Variants in HERPUD2 observed in about 807,000 individuals in gnomAD.
HERPUD2 encodes HERPUD family member 2.
Under a neutral mutation model 49.9 loss-of-function variants are expected in HERPUD2, and 13 were observed. The ratio of observed to expected loss-of-function variants is 0.26; its 90% CI spans 0.17 to 0.41. HERPUD2 has a LOEUF of 0.41. Ranked by LOEUF, HERPUD2 falls within the 10% of genes least tolerant of loss-of-function variation. The pLI, the probability that HERPUD2 is intolerant of heterozygous loss-of-function variation, is 1.00. For missense variants in HERPUD2, 449 were observed against 492.2 expected (o/e 0.91, Z 0.83); for synonymous variants, 172 against 171.4 (o/e 1.00, Z -0.03).
At chr7:35,662,069 G>A (rs979566241) in intron 5 of HERPUD2, among the ~76,000 whole-genome samples, 1 of 152,186 alleles carries the variant, frequency 6.6e-6, no homozygotes, top group Admixed American at 6.5e-5. Flanking sequence ...AATTTATTGA[G>A]AGTTTTTAGC....
chr7:35,637,783 T>TG (rs1438378908), intron 6 of HERPUD2, among the ~76,000 whole-genome samples: 2 of 151,680 alleles, frequency 1.3e-5, no homozygotes, highest in Non-Finnish European at 2.9e-5. Context: ...ACAGAAAGAG[T>TG]GACCAGAAAG....
In HERPUD2 at chr7:35,637,160, A is replaced by AAGAAAGAAAGAAAGAT. The variant is rs1554311472; in HGVS notation, c.617+1189_617+1190insATCTTTCTTTCTTTCT. 2.3e-3 allele frequency among the ~76,000 whole-genome samples: 329 copies of AAGAAAGAAAGAAAGAT among 144,166 alleles called. 2 individuals are homozygous for AAGAAAGAAAGAAAGAT. Among genetic ancestry groups the AAGAAAGAAAGAAAGAT allele is most frequent in the Non-Finnish European group, 3.4e-3 (229 of 66,610 alleles). 94.6% of individuals were successfully genotyped at this position (144,166 alleles called of 152,430 possible). A position where few individuals can be genotyped will look rare whatever the true frequency, so the allele number is the denominator to read the frequency against. On this transcript the variant is annotated intron_variant, in intron 6 of 8. Coordinates refer to ENST00000311350, the MANE Select transcript of HERPUD2 (RefSeq NM_022373.5). The stretch of plus-strand genomic sequence containing the variant: ...AAAAAAAGAAAGAAAGAAAGAAAGA[A>AAGAAAGAAAGAAAGAT]AGATAGATAGATAGATAGATAGATA...
chr7:35,674,523 C>T (rs1386234536), intron 2 of HERPUD2, among the ~76,000 whole-genome samples: 2 of 149,382 alleles, frequency 1.3e-5, no homozygotes, highest in Non-Finnish European at 3.0e-5. Flanking sequence ...TGTTTCCTGC[C>T]GAACAGCTCC....
At chr7:35,650,021 T>C (rs949068933) in intron 5 of HERPUD2, among the ~76,000 whole-genome samples, 1 of 152,168 alleles carries the variant, frequency 6.6e-6, no homozygotes, top group Non-Finnish European at 1.5e-5. Context: ...TTGGTTTATA[T>C]GGTTATTTCT....
Position 35,634,399 on chromosome 7 carries a change from T to C in HERPUD2, c.972A>G (p.Gln324=), listed in dbSNP as rs1183177281. The change falls in exon 8 of 9, where the codon CAA becomes CAG. Residue 324 remains glutamine, a synonymous_variant. Coordinates refer to ENST00000311350, the MANE Select transcript of HERPUD2 (RefSeq NM_022373.5). The part of the protein sequence containing the change: ...LHQAGWFPFR[Q]EGGHQQAPNN... ...TGGGAGCCTGCTGATGACCTCCTTC[T>C]TGCCTAAAAGGAAACCATCCAGCTT... 1 of 1,613,736 alleles carries C rather than the reference T, an allele frequency of 6.2e-7. No individual in the cohort carries two copies. Among genetic ancestry groups the C allele is most frequent in the South Asian group, 1.1e-5 (1 of 91,070 alleles).
At chr7:35,641,607 CTGG>C (rs1329476437) in intron 5 of HERPUD2, among the ~76,000 whole-genome samples, 4 of 152,180 alleles carry the variant, frequency 2.6e-5, no homozygotes, top group Non-Finnish European at 5.9e-5. Flanking sequence ...CAGCACAGTA[CTGG>C]TACAAAAACA....
At chr7:35,680,392 A>G (rs1785854995) in intron 2 of HERPUD2, among the ~76,000 whole-genome samples, 2 of 152,180 alleles carry the variant, frequency 1.3e-5, no homozygotes, top group South Asian at 4.1e-4. Context: ...CCTGGGTGAC[A>G]GAGGAAGACC....
intron 5 of HERPUD2, among the ~76,000 whole-genome samples, chr7:35,663,622 C>A (rs937726708): frequency 2.0e-5 from 3 of 152,126 alleles, no homozygotes; most frequent in Non-Finnish European, 2.9e-5. Flanking sequence ...ATAGTTAGCT[C>A]CTCTTGTTGA....
intron 2 of HERPUD2, among the ~76,000 whole-genome samples, chr7:35,673,995 C>A (rs1450129686): frequency 6.6e-6 from 1 of 151,992 alleles, no homozygotes; most frequent in Non-Finnish European, 1.5e-5. Context: ...CCACATAAGG[C>A]CTACTTCATA....
chr7:35,641,842 A>G (rs1012257961), intron 5 of HERPUD2, among the ~76,000 whole-genome samples: 8 of 152,202 alleles, frequency 5.3e-5, no homozygotes, highest in Admixed American at 5.2e-4. Context: ...TTACATGTAA[A>G]ACTCAAAACT....
intron 4 of HERPUD2, among the ~76,000 whole-genome samples, chr7:35,669,884 G>A (rs1222072558): frequency 3.3e-5 from 5 of 152,082 alleles, no homozygotes; most frequent in Admixed American, 6.6e-5. Context: ...TTTCTGAAAC[G>A]TCATTGGCCT....
intron 2 of HERPUD2, 70 bp from the exon 3 acceptor site, chr7:35,673,348 C>A: frequency 1.8e-6 from 2 of 1,120,972 alleles, no homozygotes; most frequent in East Asian, 2.4e-5. Flanking sequence ...GAATAACATG[C>A]CTAATTATGG....
rs2115987645 is a variant in HERPUD2 at position 35,675,003 on chromosome 7, G to C, written c.148-1725C>G. ...CACTAACAAATTAATTGAACCCCAG[G>C]AGGGGGTCACGGGAACCCCAATTTA... is the stretch of plus-strand genomic sequence containing the variant. On this transcript the variant is annotated intron_variant, in intron 2 of 8. Coordinates refer to ENST00000311350, the MANE Select transcript of HERPUD2 (RefSeq NM_022373.5). 1.3e-5 allele frequency among the ~76,000 whole-genome samples: 2 copies of C among 152,278 alleles called. 1 individual carries two copies. Among genetic ancestry groups the C allele is most frequent in the South Asian group, 4.1e-4 (2 of 4,830 alleles).
intron 2 of HERPUD2, among the ~76,000 whole-genome samples, chr7:35,688,091 T>C (rs1407074978): frequency 6.6e-6 from 1 of 152,236 alleles, no homozygotes; most frequent in Non-Finnish European, 1.5e-5. Flanking sequence ...AAGTAGTAAC[T>C]ATTAAGTACT....
intron 5 of HERPUD2, among the ~76,000 whole-genome samples, chr7:35,639,129 A>G (rs1189155287): frequency 6.6e-6 from 1 of 151,970 alleles, no homozygotes; most frequent in Non-Finnish European, 1.5e-5. Context: ...CCTGGATTCA[A>G]GCAATTCTCC....
At chr7:35,640,830 T>C (rs958263912) in intron 5 of HERPUD2, among the ~76,000 whole-genome samples, 2 of 152,154 alleles carry the variant, frequency 1.3e-5, no homozygotes, top group Non-Finnish European at 2.9e-5. Context: ...AGAACTGTTA[T>C]TTAATGCTAG....
In HERPUD2 at chr7:35,668,763, C is replaced by T. The variant is rs576553980; in HGVS notation, c.340-1175G>A. 7.9e-5 allele frequency among the ~76,000 whole-genome samples: 12 copies of T among 152,224 alleles called. No individual in the cohort carries two copies. The South Asian group carries it at 1.2e-3, about 16-fold the overall frequency. ...CATAAACTGGGAAAGGTTTCTTTTT[C>T]AGCAAGATTTCTCATTAAATGGGCC... On this transcript the variant is annotated intron_variant, in intron 4 of 8. Transcript: ENST00000311350.
rs374949596 is a variant in HERPUD2, at chr7:35,632,694, C to A, written c.*996G>T. 6.6e-6 allele frequency: 1 copy of A among 152,490 alleles called. No homozygotes were observed. Among genetic ancestry groups the A allele is most frequent in the East Asian group, 1.9e-4 (1 of 5,196 alleles). The allele number at this position is 152,490 out of a possible 1,614,324, so 9.4% of individuals were successfully genotyped here. A position where few individuals can be genotyped will look rare whatever the true frequency, so the allele number is the denominator to read the frequency against. On this transcript the variant is annotated 3_prime_UTR_variant, in exon 9 of 9. Coordinates refer to ENST00000311350, the MANE Select transcript of HERPUD2 (RefSeq NM_022373.5). Reference sequence around the variant, plus strand: ...TTGACTTTTTATTTAAAAAATTACACGGAGCAATTTCCAGCTTATCTTTTT... The same window carrying A: ...TTGACTTTTTATTTAAAAAATTACAAGGAGCAATTTCCAGCTTATCTTTTT...
chr7:35,634,995 G>A (rs1784846661), intron 7 of HERPUD2, 140 bp downstream of exon 7: 1 of 617,676 alleles, frequency 1.6e-6, no homozygotes, highest in South Asian at 2.3e-5. Context: ...CCTTGCTTTT[G>A]GCATCAAAAA....
Sources: allele counts gnomAD v4.1 joint callset (sites outside exome capture counted in the v4.1 genomes callset), GRCh38; gene constraint gnomAD v4.1.1; transcripts MANE v1.5; gene names NCBI Gene and HGNC (gene_info 2026-07-23, HGNC 2026-07-21).